The following KCNQ5 variants were observed in gnomAD, a reference collection of about 807,000 sequenced individuals.
KCNQ5 encodes potassium voltage-gated channel subfamily KQT member 5.
A neutral mutation model predicts 98.2 loss-of-function variants in KCNQ5; 30 were observed. That is an observed-to-expected ratio of 0.31 (90% CI 0.23 to 0.41). The LOEUF is 0.41. Ranked by LOEUF, KCNQ5 falls within the 10% of genes least tolerant of loss-of-function variation. KCNQ5 has a pLI of 1.00. For synonymous variants in KCNQ5, 458 were observed against 449.4 expected (o/e 1.02, Z -0.24); for missense variants, 835 against 1,182.5 (o/e 0.71, Z 4.31).
chr6:73,026,227 T>G (rs985040054), intron 2 of KCNQ5, among the ~76,000 whole-genome samples: 1 of 152,196 alleles, frequency 6.6e-6, no homozygotes, highest in Non-Finnish European at 1.5e-5. Flanking sequence ...TCCCCATTTC[T>G]TGCAGAGTAA....
intron 3 of KCNQ5, among the ~76,000 whole-genome samples, chr6:73,052,117 G>C (rs938123258): frequency 3.3e-5 from 5 of 152,108 alleles, no homozygotes; most frequent in Non-Finnish European, 7.3e-5. Context: ...CAGCAGAATC[G>C]ATCAAGCTGA....
chr6:73,018,463 G>C (rs1156736126), intron 2 of KCNQ5, among the ~76,000 whole-genome samples: 1 of 152,038 alleles, frequency 6.6e-6, no homozygotes, highest in African/African-American at 2.4e-5. Flanking sequence ...CCAACACTGT[G>C]AGGACAAACA....
intron 1 of KCNQ5, among the ~76,000 whole-genome samples, chr6:72,708,972 T>C (rs1769225406): frequency 6.6e-6 from 1 of 152,176 alleles, no homozygotes; most frequent in Non-Finnish European, 1.5e-5. Flanking sequence ...CTCTAAAACT[T>C]TGCAAATATG....
At chr6:73,002,850 G>A (rs1463407527) in intron 1 of KCNQ5, among the ~76,000 whole-genome samples, 1 of 152,182 alleles carries the variant, frequency 6.6e-6, no homozygotes. Context: ...GCAAACTCTG[G>A]CTATACTGCC....
At chr6:73,175,370 G>A (rs959799502) in intron 11 of KCNQ5, among the ~76,000 whole-genome samples, 4 of 150,442 alleles carry the variant, frequency 2.7e-5, no homozygotes, top group Non-Finnish European at 4.4e-5. Flanking sequence ...GGCTGGTCTC[G>A]AACTCTCGAC....
intron 1 of KCNQ5, among the ~76,000 whole-genome samples, chr6:72,865,878 G>A (rs1280011736): frequency 6.6e-6 from 1 of 152,132 alleles, no homozygotes; most frequent in Non-Finnish European, 1.5e-5. Flanking sequence ...CTTTTCTGCA[G>A]AGAAGGATTC....
intron 1 of KCNQ5, among the ~76,000 whole-genome samples, chr6:72,893,691 G>A (rs1779143964): frequency 6.6e-6 from 1 of 152,098 alleles, no homozygotes; most frequent in African/African-American, 2.4e-5. Context: ...CATTTTTGCT[G>A]CCCAGGCAGA....
At chr6:73,112,187 TAA>T in intron 7 of KCNQ5, among the ~76,000 whole-genome samples, 1 of 152,256 alleles carries the variant, frequency 6.6e-6, no homozygotes, top group Admixed American at 6.5e-5. Flanking sequence ...TTCTACAATC[TAA>T]AGTTTCTCCC....
chr6:72,720,858 C>A (rs1215897139), intron 1 of KCNQ5, among the ~76,000 whole-genome samples: 1 of 152,172 alleles, frequency 6.6e-6, no homozygotes, highest in Non-Finnish European at 1.5e-5. Context: ...TTGCTTTTCC[C>A]TCTCTCAATA....
chr6:72,660,839 T>C (rs1766482264), intron 1 of KCNQ5, among the ~76,000 whole-genome samples: 1 of 152,176 alleles, frequency 6.6e-6, no homozygotes, highest in Non-Finnish European at 1.5e-5. Flanking sequence ...TAATTGTAGA[T>C]AAAGAAGAAT....
At chr6:72,713,503 G>A (rs915617594) in intron 1 of KCNQ5, among the ~76,000 whole-genome samples, 2 of 152,056 alleles carry the variant, frequency 1.3e-5, no homozygotes, top group Non-Finnish European at 2.9e-5. Flanking sequence ...TTGGTTCATA[G>A]AATGATTTGC....
intron 3 of KCNQ5, among the ~76,000 whole-genome samples, chr6:73,075,434 G>T (rs1476881150): frequency 6.6e-6 from 1 of 152,046 alleles, no homozygotes; most frequent in Admixed American, 6.6e-5. Context: ...TGTTGGCCAG[G>T]ATGGTCTCGA....
chr6:73,064,276 G>A (rs1469814868), intron 3 of KCNQ5, among the ~76,000 whole-genome samples: 2 of 152,082 alleles, frequency 1.3e-5, no homozygotes, highest in Non-Finnish European at 2.9e-5. Flanking sequence ...AAACATAACT[G>A]GCTGCTAAGT....
intron 1 of KCNQ5, among the ~76,000 whole-genome samples, chr6:72,829,066 A>T (rs916950271): frequency 6.6e-6 from 1 of 152,162 alleles, no homozygotes; most frequent in African/African-American, 2.4e-5. Context: ...CACGTTCATG[A>T]TAAACCAGTT....
intron 1 of KCNQ5, among the ~76,000 whole-genome samples, chr6:72,891,347 A>G (rs1307514316): frequency 6.6e-6 from 1 of 152,216 alleles, no homozygotes; most frequent in Non-Finnish European, 1.5e-5. Context: ...GGATGTGTAA[A>G]TGGTTGGATG....
At chr6:73,004,942 A>G (rs963816537) in intron 2 of KCNQ5, among the ~76,000 whole-genome samples, 8 of 152,174 alleles carry the variant, frequency 5.3e-5, no homozygotes, top group Non-Finnish European at 8.8e-5. Flanking sequence ...AATTGTTACT[A>G]CCACGAAGGT....
chr6:73,174,976 A>G (rs1778157747), intron 11 of KCNQ5, among the ~76,000 whole-genome samples: 2 of 152,118 alleles, frequency 1.3e-5, no homozygotes, highest in Admixed American at 6.6e-5. Context: ...ACCCGCTTCC[A>G]TGATGAGTCA....
intron 6 of KCNQ5, among the ~76,000 whole-genome samples, chr6:73,108,135 G>C (rs1775078404): frequency 6.6e-6 from 1 of 152,136 alleles, no homozygotes; most frequent in Non-Finnish European, 1.5e-5. Flanking sequence ...AAGCAGAAGG[G>C]CCATCCTGCA....
At chr6:72,669,105 G>A (rs1766969578) in intron 1 of KCNQ5, among the ~76,000 whole-genome samples, 1 of 151,954 alleles carries the variant, frequency 6.6e-6, no homozygotes, top group African/African-American at 2.4e-5. Flanking sequence ...AATGCATCAA[G>A]CATCAACTCT....
Sources: gnomAD v4.1 joint callset for allele counts (sites outside exome capture counted in the v4.1 genomes callset) on GRCh38, gnomAD v4.1.1 for gene constraint, MANE v1.5 for transcripts, NCBI Gene and HGNC (gene_info 2026-07-23, HGNC 2026-07-21) for gene names.